PASK: variants seen among roughly 807,000 people sequenced by gnomAD.
PASK encodes PAS domain containing serine/threonine kinase.
PASK carries 110 observed loss-of-function variants against 121.0 expected under a neutral mutation model. The observed-to-expected ratio is 0.91, with a 90% CI of 0.78 to 1.06. PASK has a LOEUF of 1.06. Among genes scored for constraint, PASK ranks in the 50% least tolerant of loss-of-function variants. The pLI is 0.00. For synonymous variants in PASK, 686 were observed against 717.8 expected (o/e 0.96, Z 0.71); for missense variants, 1,643 against 1,702.3 (o/e 0.97, Z 0.61).
chr2:241,140,499 G>A (rs775096092), intron 3 of PASK, 22 bp downstream of exon 3: 3 of 1,486,940 alleles, frequency 2.0e-6, no homozygotes, highest in Non-Finnish European at 2.8e-6. Context: ...TACACAGCTG[G>A]ATCTAAAAGA....
In PASK at chr2:241,140,019, C is replaced by G. The variant is rs111253891; in HGVS notation, c.466G>C (p.Gly156Arg). ...VANDKACGLL[G>R]YSSQDLIGQK... ...CCAATCAGGTCCTGGCTGCTGTACC[C>G]CAGGAGCCCGCAAGCTTTGTCGTTA... Residue 156 changes from glycine to arginine, a missense_variant, in exon 4 of 18, where the codon GGG (glycine) becomes CGG (arginine). Gly to Arg is a moderately radical substitution (Grantham distance 125). This residue lies in a region of PASK where 1,176 missense variants were observed against 1,162.2 expected (regional missense o/e 1.01). Transcript: ENST00000234040. 20 of 1,614,028 alleles carry G rather than the reference C, an allele frequency of 1.2e-5. No individual in the cohort carries two copies. In the African/African-American group the frequency reaches 1.5e-4, roughly 12 times the overall value.
rs774390598 is a variant in PASK at position 241,126,804 on chromosome 2, A to C, written c.2111T>G (p.Leu704Arg). 1 of 1,613,934 alleles carries C rather than the reference A, an allele frequency of 6.2e-7. No individual in the cohort carries two copies. The highest frequency in any genetic ancestry group is 1.3e-5 in the African/African-American group (1 of 75,062). The change falls in exon 10 of 18, where the codon CTG becomes CGG. Residue 704 changes from leucine (L) to arginine (R), a missense_variant. Around this residue, in one of 3 missense-constraint regions of PASK, gnomAD observed 1,176 missense variants for 1,162.2 expected, o/e 1.01. Transcript: ENST00000234040. ...GGAGCTGCCCGTGCAGCCACCGCAC[A>C]GGTCTCTGCCTCCCAGATCGCAGGA... The part of the protein sequence containing the change: ...VSSCDLGGRD[L>R]CGGCTGSSSA...
chr2:241,108,346 G>T lies in PASK; in HGVS notation c.3534-46C>A. The T allele has an allele frequency of 6.2e-7, 1 of 1,608,408 alleles. No homozygotes were observed. The highest frequency in any genetic ancestry group is 8.5e-7 in the Non-Finnish European group (1 of 1,176,902). On this transcript the variant is annotated intron_variant, in intron 15 of 17. Coordinates refer to ENST00000234040, the MANE Select transcript of PASK (RefSeq NM_015148.4). The surrounding 1 kb of genome is among the most constrained non-coding windows in gnomAD (Gnocchi z 5.2). ...CAGGACGCCACGGCACTCAGCGCAGGCTTGCCAAGCCCGCCCATGGGAAGC... is the reference window on the plus strand; with the variant it reads ...CAGGACGCCACGGCACTCAGCGCAGTCTTGCCAAGCCCGCCCATGGGAAGC...
In PASK at chr2:241,135,887, T is replaced by C; in HGVS notation, c.1290A>G (p.Pro430=). Residue 430 remains proline (P), a synonymous_variant, in exon 8 of 18, where the codon CCA becomes CCG. Coordinates refer to ENST00000234040, the MANE Select transcript of PASK (RefSeq NM_015148.4). The part of the protein sequence containing the change: ...RTLDPWQGQD[P]AEGGQDPRIN... ...ACGTCTTACCCTGGCCCCCCTCAGC[T>C]GGGTCCTGGCCCTGCCACGGGTCCA... is the stretch of plus-strand genomic sequence containing the variant. The C allele has an allele frequency of 6.2e-7, 1 of 1,614,122 alleles. No individual in the cohort carries two copies.
chr2:241,117,207 C>A (rs1419697498), intron 12 of PASK, among the ~76,000 whole-genome samples: 2 of 152,136 alleles, frequency 1.3e-5, no homozygotes, highest in Non-Finnish European at 2.9e-5. Context: ...AAGGGGGCAA[C>A]TTGGGTGCCA....
upstream of PASK, chr2:241,149,485 C>T (rs1475290816): frequency 3.1e-5 from 20 of 649,344 alleles, 1 homozygote; most frequent in Non-Finnish European, 5.2e-5. Flanking sequence ...TTTTATCCCA[C>T]CGACCAATCG....
Position 241,137,009 on chromosome 2 carries a change from C to T in PASK, c.1132G>A (p.Gly378Ser). The change falls in exon 7 of 18, where the codon GGC becomes AGC. Residue 378 changes from glycine (G) to serine (S), a missense_variant. Physicochemically the swap from Gly to Ser is moderately conservative, Grantham distance 56. Around this residue, in one of 3 missense-constraint regions of PASK, gnomAD observed 1,176 missense variants for 1,162.2 expected, o/e 1.01. Transcript: ENST00000234040. ...GGCGCCCAGGGCAGCCCCACCTTGC[C>T]CAGGAGCTCCGTCTTTCCGTAACCA... ...LFGYGKTELLGKNITFLIPGF... is the reference protein window; with the variant it reads ...LFGYGKTELLSKNITFLIPGF... The T allele has an allele frequency of 1.2e-6, 2 of 1,613,000 alleles. No homozygotes were observed. Among genetic ancestry groups the T allele is most frequent in the Non-Finnish European group, 1.7e-6 (2 of 1,179,952 alleles).
intron 1 of PASK, among the ~76,000 whole-genome samples, 170 bp from the exon 2 acceptor site, chr2:241,143,244 A>G (rs952821989): frequency 6.6e-6 from 1 of 152,216 alleles, no homozygotes; most frequent in Admixed American, 6.5e-5. Flanking sequence ...AAGTGGTGCT[A>G]AAAGAAGCTC....
Position 241,123,952 on chromosome 2 carries a change from C to T in PASK, c.2901G>A (p.Val967=). The stretch of plus-strand genomic sequence containing the variant: ...GGCATTGATTGCAAATACCCACTTC[C>T]ACCAGGCTGGGTCCGGTGAGCTCAG... ...TAAELTGPSL[V]EVLRARPWFE... Residue 967 remains valine, a synonymous_variant, in exon 11 of 18, where the codon GTG becomes GTA. Transcript: ENST00000234040. 1 of 1,613,368 alleles carries T rather than the reference C, an allele frequency of 6.2e-7. No individual in the cohort carries two copies. The highest frequency in any genetic ancestry group is 8.5e-7 in the Non-Finnish European group (1 of 1,179,790).
chr2:241,145,549 G>C (rs12990357), intron 1 of PASK, among the ~76,000 whole-genome samples: 8,423 of 151,976 alleles, frequency 0.055, 307 homozygotes, highest in South Asian at 0.14. Flanking sequence ...TCTTAAACAA[G>C]GCACAAAAAA....
upstream of PASK, chr2:241,149,572 T>G (rs1450215826): frequency 3.1e-5 from 42 of 1,369,324 alleles, no homozygotes; most frequent in South Asian, 5.2e-4. Flanking sequence ...CTAGCCAGAG[T>G]CTAGAAGCCC....
intron 1 of PASK, among the ~76,000 whole-genome samples, chr2:241,144,260 T>C (rs1487939555): frequency 1.3e-5 from 2 of 152,212 alleles, no homozygotes; most frequent in East Asian, 3.8e-4. Flanking sequence ...TCCTGCATAT[T>C]GGCAAGCACT....
intron 2 of PASK, among the ~76,000 whole-genome samples, chr2:241,141,828 TTC>T (rs2066709150): frequency 6.6e-6 from 1 of 151,886 alleles, no homozygotes; most frequent in South Asian, 2.1e-4. Context: ...ACCCCGACCA[TTC>T]TCTGAGGCTG....
At chr2:241,125,725 G>C (rs778304159) in intron 10 of PASK, among the ~76,000 whole-genome samples, 17 of 152,086 alleles carry the variant, frequency 1.1e-4, no homozygotes, top group Non-Finnish European at 1.9e-4. Flanking sequence ...GTTTTTCAGA[G>C]ATCAGGGCAG....
In PASK at chr2:241,108,387, G is replaced by C. The variant is rs534067066; in HGVS notation, c.3534-87C>G. ...CATGGGAAGCACCATGGCCCTTCCC[G>C]ACCAGCACACAGGCCAGGCAGTGGT... On this transcript the variant is annotated intron_variant, in intron 15 of 17. Transcript: ENST00000234040. This position sits in a 1 kb window ranked among gnomAD's most constrained non-coding sequence, Gnocchi z 5.2. The C allele has an allele frequency of 7.4e-7, 1 of 1,357,710 alleles. No individual in the cohort carries two copies. The highest frequency in any genetic ancestry group is 2.3e-5 in the East Asian group (1 of 42,934). The allele number at this position is 1,357,710 out of a possible 1,614,324, so 84.1% of individuals were successfully genotyped here. A position where few individuals can be genotyped will look rare whatever the true frequency, so the allele number is the denominator to read the frequency against.
chr2:241,117,819 AATAC>A (rs1168658041), intron 12 of PASK, among the ~76,000 whole-genome samples: 1 of 152,236 alleles, frequency 6.6e-6, no homozygotes, highest in Admixed American at 6.5e-5. Flanking sequence ...AACACACTTT[AATAC>A]ATACAAGGAC....
intron 9 of PASK, 180 bp from the exon 10 acceptor site, chr2:241,127,631 A>T (rs1258376488): frequency 1.5e-6 from 1 of 651,762 alleles, no homozygotes; most frequent in African/African-American, 1.8e-5. Context: ...AAATTTCTCC[A>T]AATTAAGTCC....
chr2:241,136,525 C>T lies in PASK; in HGVS notation c.1137+479G>A, dbSNP rs1169467683. On this transcript the variant is annotated intron_variant, in intron 7 of 17. Coordinates refer to ENST00000234040, the MANE Select transcript of PASK (RefSeq NM_015148.4). ...TGCCCATAGCTGTAATGCCAGAACC[C>T]GCTCTAACCTCACAGAGGGCACAAG... 3.3e-5 allele frequency among the ~76,000 whole-genome samples: 5 copies of T among 152,316 alleles called. No individual in the cohort carries two copies. The South Asian group carries it at 6.2e-4, about 19-fold the overall frequency.
chr2:241,137,196 C>T lies in PASK; in HGVS notation c.945G>A (p.Leu315=), dbSNP rs751163756. Residue 315 remains leucine, a synonymous_variant, in exon 7 of 18, where the codon CTG becomes CTA. Transcript: ENST00000234040. ...CCTCCTCGCTGCTGGGTTGGGATTT[C>T]AGCTTTAAGCTCAGAGGGAAGGTGG... The part of the protein sequence containing the change: ...DGTTFPLSLK[L]KSQPSSEEAT... 9.3e-6 allele frequency: 15 copies of T among 1,612,964 alleles called. No homozygotes were observed. The highest frequency in any genetic ancestry group is 1.2e-5 in the Non-Finnish European group (14 of 1,179,016).
Sources: gnomAD v4.1 joint callset for allele counts (sites outside exome capture counted in the v4.1 genomes callset) on GRCh38, gnomAD v4.1.1 for gene constraint, gnomAD v4.1.1 regional missense constraint, Gnocchi (gnomAD v3.1) non-coding constraint, MANE v1.5 for transcripts, NCBI Gene and HGNC (gene_info 2026-07-23, HGNC 2026-07-21) for gene names.